Variants in SEMA3C observed in about 807,000 individuals in gnomAD.
SEMA3C encodes semaphorin 3C, also known as semaphorin-3C.
A neutral mutation model predicts 89.4 loss-of-function variants in SEMA3C; 47 were observed. That is an observed-to-expected ratio of 0.53 (90% CI 0.42 to 0.67). The LOEUF (loss-of-function observed/expected upper bound fraction) is 0.67, where lower values mean the gene tolerates loss of function less well. Among genes scored for constraint, SEMA3C ranks in the 30% least tolerant of loss-of-function variants. The probability of loss-of-function intolerance (pLI) is 0.00; values close to 1 mark genes in which losing one functional copy is unlikely to be tolerated. For missense variants in SEMA3C, 839 were observed against 929.1 expected, an observed-to-expected ratio of 0.90 and a Z score of 1.26; for synonymous variants, 310 against 320.2, an observed-to-expected ratio of 0.97 and a Z score of 0.34.
At chr7:80,804,319 ACAG>A in intron 7 of SEMA3C, 71 bp from the exon 8 acceptor site, 1 of 1,072,476 alleles carries the variant, frequency 9.3e-7, no homozygotes, top group South Asian at 2.4e-5. Context: ...CAAGTAGACC[ACAG>A]GCAGATGCCT....
intron 2 of SEMA3C, among the ~76,000 whole-genome samples, chr7:80,852,799 C>T (rs1790545503): frequency 6.6e-6 from 1 of 151,802 alleles, no homozygotes; most frequent in Admixed American, 6.6e-5. Flanking sequence ...CTGCCTCAGC[C>T]TCCCGAGTAG....
At chr7:80,806,588 T>G (rs1262047060) in intron 6 of SEMA3C, among the ~76,000 whole-genome samples, 1 of 152,182 alleles carries the variant, frequency 6.6e-6, no homozygotes, top group Admixed American at 6.6e-5. Context: ...TTAATCTATA[T>G]ATACATAACA....
At position 80,789,349 on chromosome 7, in the gene SEMA3C, C is replaced by T; in HGVS notation, c.1311G>A (p.Val437=). 6.2e-7 allele frequency: 1 copy of T among 1,614,000 alleles called. No individual in the cohort carries two copies. Among genetic ancestry groups the T allele is most frequent in the Non-Finnish European group, 8.5e-7 (1 of 1,179,960 alleles). Residue 437 remains valine, a synonymous_variant, in exon 12 of 18, where the codon GTG becomes GTA. Transcript: ENST00000265361. Reference sequence around the variant, plus strand: ...CATGGTATCTCCCATCAGCAGCGTTCACTCGATCCACAGCTATCTTTGTAT... The same window carrying T: ...CATGGTATCTCCCATCAGCAGCGTTTACTCGATCCACAGCTATCTTTGTAT... ...YKYTKIAVDR[V]NAADGRYHVL...
intron 11 of SEMA3C, among the ~76,000 whole-genome samples, chr7:80,795,650 C>T (rs139426968): frequency 8.4e-4 from 128 of 152,268 alleles, no homozygotes; most frequent in African/African-American, 3.0e-3. Flanking sequence ...TTTAGTATTC[C>T]TACATTTTAT....
chr7:80,846,441 C>G (rs1001894049), intron 2 of SEMA3C, among the ~76,000 whole-genome samples: 17 of 152,174 alleles, frequency 1.1e-4, no homozygotes, highest in African/African-American at 4.1e-4. Flanking sequence ...ACTGTAACCT[C>G]TAACTCCTGG....
intron 12 of SEMA3C, among the ~76,000 whole-genome samples, chr7:80,771,547 C>G (rs1043974672): frequency 6.6e-5 from 10 of 152,180 alleles, no homozygotes; most frequent in African/African-American, 2.2e-4. Flanking sequence ...TCCACTGTCT[C>G]TAGCCAAGAA....
intron 2 of SEMA3C, among the ~76,000 whole-genome samples, chr7:80,915,333 C>T (rs949396864): frequency 4.6e-5 from 7 of 152,070 alleles, no homozygotes; most frequent in African/African-American, 1.7e-4. Flanking sequence ...GCTAAGGAAG[C>T]AATTAGAAGC....
rs116007701 is a variant in SEMA3C at position 80,844,917 on chromosome 7, G to C, written c.104-16172C>G. Among the ~76,000 whole-genome samples the C allele has an allele frequency of 3.7e-3, 559 of 152,302 alleles. 4 individuals are homozygous for C. Among genetic ancestry groups the C allele is most frequent in the African/African-American group, 0.013 (533 of 41,568 alleles). On this transcript the variant is annotated intron_variant, in intron 2 of 17. Transcript: ENST00000265361. ...GGTGTGTAACACAAGCACCATGGAA[G>C]TGTCCTTCTAAATCTTTGTATCTTT...
intron 8 of SEMA3C, among the ~76,000 whole-genome samples, chr7:80,803,353 T>C (rs1418634031): frequency 6.6e-6 from 1 of 152,234 alleles, no homozygotes; most frequent in African/African-American, 2.4e-5. Flanking sequence ...TTTCTTCCTG[T>C]GTCCAAAGGC....
rs1182763673 is a variant in SEMA3C, at chr7:80,865,993, C to T, written c.104-37248G>A. Among the ~76,000 whole-genome samples the T allele has an allele frequency of 2.0e-5, 3 of 152,064 alleles. No individual in the cohort carries two copies. In the East Asian group the frequency reaches 5.8e-4, roughly 29 times the overall value. ...ATGTACCATAGTTTTCTTCTTTTGT[C>T]TATCACTTGTAGTGCCTAATTCAAT... On this transcript the variant is annotated intron_variant, in intron 2 of 17. Coordinates refer to ENST00000265361, the MANE Select transcript of SEMA3C (RefSeq NM_006379.5).
At chr7:80,873,359 T>C (rs1198118987) in intron 2 of SEMA3C, among the ~76,000 whole-genome samples, 2 of 152,202 alleles carry the variant, frequency 1.3e-5, no homozygotes, top group East Asian at 3.8e-4. Flanking sequence ...TTCGAGTTTG[T>C]TTGCACAGTG....
intron 15 of SEMA3C, among the ~76,000 whole-genome samples, chr7:80,757,860 G>A (rs764870121): frequency 3.3e-5 from 5 of 152,232 alleles, no homozygotes; most frequent in South Asian, 4.1e-4. Context: ...CCAGCTACTC[G>A]GGAGGCTGAG....
intron 4 of SEMA3C, among the ~76,000 whole-genome samples, chr7:80,824,449 G>A (rs756713596): frequency 7.2e-5 from 11 of 152,052 alleles, no homozygotes; most frequent in East Asian, 1.9e-4. Context: ...TGAAAACACC[G>A]GAAGATAATT....
intron 10 of SEMA3C, among the ~76,000 whole-genome samples, chr7:80,798,780 CA>C (rs1203656707): frequency 2.6e-5 from 4 of 151,590 alleles, no homozygotes; most frequent in Non-Finnish European, 4.4e-5. Context: ...AATAGGGGCC[CA>C]AAAAAAATTC....
intron 2 of SEMA3C, among the ~76,000 whole-genome samples, chr7:80,858,640 G>C (rs1790698583): frequency 6.6e-6 from 1 of 152,154 alleles, no homozygotes; most frequent in Non-Finnish European, 1.5e-5. Flanking sequence ...ATGCTCAAAT[G>C]AGAGTGCACA....
chr7:80,910,348 T>C (rs879846390), intron 2 of SEMA3C, among the ~76,000 whole-genome samples: 1 of 152,202 alleles, frequency 6.6e-6, no homozygotes, highest in Non-Finnish European at 1.5e-5. Flanking sequence ...GTTGAAATGA[T>C]TGTTTCTGAA....
rs1310926117 is a variant in SEMA3C, at chr7:80,743,465, T to C, written c.*1429A>G. On this transcript the variant is annotated 3_prime_UTR_variant, in exon 18 of 18. Transcript: ENST00000265361. Reference sequence around the variant, plus strand: ...TTATTAACTATAAATAAAATGTTTATATGATATTTGGATTAGGTACATGGT... The same window carrying C: ...TTATTAACTATAAATAAAATGTTTACATGATATTTGGATTAGGTACATGGT... 6.6e-6 allele frequency: 1 copy of C among 151,920 alleles called. No individual in the cohort carries two copies. Among genetic ancestry groups the C allele is most frequent in the Non-Finnish European group, 1.5e-5 (1 of 67,830 alleles). The allele number at this position is 151,920 out of a possible 1,614,324, so 9.4% of individuals were successfully genotyped here. A position where few individuals can be genotyped will look rare whatever the true frequency, so the allele number is the denominator to read the frequency against.
intron 1 of SEMA3C, among the ~76,000 whole-genome samples, chr7:80,918,062 T>C (rs1792320029): frequency 6.6e-6 from 1 of 152,200 alleles, no homozygotes; most frequent in African/African-American, 2.4e-5. Context: ...TTTGTGTTGG[T>C]AATTTTCAAA....
intron 2 of SEMA3C, among the ~76,000 whole-genome samples, chr7:80,915,367 T>G (rs1209763791): frequency 6.6e-6 from 1 of 152,146 alleles, no homozygotes; most frequent in Non-Finnish European, 1.5e-5. Context: ...GTTCCAAATA[T>G]GGCTCCTTCG....
Sources: gnomAD v4.1 joint callset for allele counts (sites outside exome capture counted in the v4.1 genomes callset) on GRCh38, gnomAD v4.1.1 for gene constraint, MANE v1.5 for transcripts, NCBI Gene and HGNC (gene_info 2026-07-23, HGNC 2026-07-21) for gene names.